INTS7: variants seen among roughly 807,000 people sequenced by gnomAD.
The protein encoded by INTS7 is integrator complex subunit 7.
In INTS7, 46 loss-of-function variants were observed where a neutral mutation model predicts 109.2. The ratio of observed to expected loss-of-function variants is 0.42; its 90% CI spans 0.33 to 0.54. The LOEUF is 0.54. Among genes scored for constraint, INTS7 ranks in the 20% least tolerant of loss-of-function variants. INTS7 has a pLI of 0.07. For synonymous variants in INTS7, 412 were observed against 402.9 expected (o/e 1.02, Z -0.27); for missense variants, 929 against 1,132.4 (o/e 0.82, Z 2.58).
chr1:212,020,069 C>A, intron 3 of INTS7, 53 bp downstream of exon 3: 1 of 1,250,140 alleles, frequency 8.0e-7, no homozygotes, highest in Non-Finnish European at 1.1e-6. Flanking sequence ...CTTTTTTGTA[C>A]ATAATTACAG....
At chr1:212,015,780 C>T (rs1666409629) in intron 4 of INTS7, among the ~76,000 whole-genome samples, 1 of 142,616 alleles carries the variant, frequency 7.0e-6, no homozygotes, top group African/African-American at 2.6e-5. Flanking sequence ...TATTATTCAC[C>T]TGGTTATAAA....
At chr1:211,972,030 A>G (rs780267976) in intron 13 of INTS7, among the ~76,000 whole-genome samples, 2 of 152,058 alleles carry the variant, frequency 1.3e-5, no homozygotes, top group East Asian at 1.9e-4. Context: ...TGTGGAAAGG[A>G]AACAGTATAC....
At chr1:211,953,230 T>G (rs541680591) in intron 16 of INTS7, among the ~76,000 whole-genome samples, 24 of 152,166 alleles carry the variant, frequency 1.6e-4, no homozygotes, top group Non-Finnish European at 2.2e-4. Context: ...AGCATGGAGA[T>G]GAAACGCATA....
intron 7 of INTS7, among the ~76,000 whole-genome samples, chr1:211,999,449 T>C (rs959222841): frequency 6.6e-6 from 1 of 152,038 alleles, no homozygotes; most frequent in East Asian, 1.9e-4. Flanking sequence ...TTGTCAGGGG[T>C]TGGGGAAAGG....
chr1:212,035,291 G>C (rs1412739023), intron 1 of INTS7, 53 bp downstream of exon 1: 27 of 1,199,856 alleles, frequency 2.3e-5, no homozygotes, highest in Non-Finnish European at 2.9e-5. Flanking sequence ...CCACCTGGTG[G>C]CGCCACTTCC....
At chr1:211,951,082 T>TA (rs1663062619) in intron 17 of INTS7, among the ~76,000 whole-genome samples, 1 of 152,198 alleles carries the variant, frequency 6.6e-6, no homozygotes, top group South Asian at 2.1e-4. Context: ...CCTAACTCTT[T>TA]AATGACATCC....
chr1:211,990,791 G>C (rs915182415), intron 7 of INTS7, among the ~76,000 whole-genome samples: 4 of 152,162 alleles, frequency 2.6e-5, no homozygotes, highest in South Asian at 4.1e-4. Context: ...AAGTAAGATG[G>C]GGGGGATTAG....
Position 211,996,752 on chromosome 1 carries a change from C to T in INTS7, c.880-8749G>A, listed in dbSNP as rs527265739. 8.5e-5 allele frequency among the ~76,000 whole-genome samples: 13 copies of T among 152,296 alleles called. No homozygotes were observed. In the South Asian group the frequency reaches 2.7e-3, roughly 32 times the overall value. On this transcript the variant is annotated intron_variant, in intron 7 of 19. Coordinates refer to ENST00000366994, the MANE Select transcript of INTS7 (RefSeq NM_015434.4). ...TAAAAACCACCCATATGGCCTGGCG[C>T]AGTGGTACACGCCTATAACCCCAGC...
chr1:211,968,416 AGT>A (rs1664009487), intron 14 of INTS7, 95 bp downstream of exon 14: 36 of 1,002,442 alleles, frequency 3.6e-5, no homozygotes, highest in Non-Finnish European at 4.6e-5. Flanking sequence ...ATAATGTCTG[AGT>A]CAAACCACTG....
intron 13 of INTS7, among the ~76,000 whole-genome samples, chr1:211,970,725 G>A (rs1229442838): frequency 1.3e-5 from 2 of 152,122 alleles, no homozygotes; most frequent in Non-Finnish European, 2.9e-5. Context: ...TAGTAATCCG[G>A]GAAAAGCCAA....
intron 1 of INTS7, among the ~76,000 whole-genome samples, chr1:212,022,132 C>A (rs946415077): frequency 6.6e-6 from 1 of 152,160 alleles, no homozygotes; most frequent in African/African-American, 2.4e-5. Flanking sequence ...TCAACCTCCA[C>A]CCTTAACTTG....
At chr1:211,978,064 G>A (rs1408565949) in intron 11 of INTS7, among the ~76,000 whole-genome samples, 1 of 152,068 alleles carries the variant, frequency 6.6e-6, no homozygotes, top group Non-Finnish European at 1.5e-5. Context: ...AACAAAACAC[G>A]GCTTTCTAAA....
At chr1:211,969,446 G>A (rs1664063529) in intron 13 of INTS7, among the ~76,000 whole-genome samples, 1 of 151,620 alleles carries the variant, frequency 6.6e-6, no homozygotes, top group Non-Finnish European at 1.5e-5. Context: ...GATAAGGGCA[G>A]GAGGAATATG....
intron 8 of INTS7, among the ~76,000 whole-genome samples, chr1:211,983,856 T>G (rs1571874701): frequency 1.9e-5 from 1 of 53,722 alleles, no homozygotes; most frequent in African/African-American, 3.6e-5. Flanking sequence ...TTTTGTTTTG[T>G]TTTTTTTTTG....
intron 13 of INTS7, among the ~76,000 whole-genome samples, chr1:211,969,397 C>G (rs915063716): frequency 6.6e-6 from 1 of 151,890 alleles, no homozygotes; most frequent in African/African-American, 2.4e-5. Flanking sequence ...ATTCCCATCA[C>G]TGGAACCTTG....
rs770693148 is a variant in INTS7, at chr1:211,942,045, T to C, written c.2668A>G (p.Thr890Ala). 6.2e-7 allele frequency: 1 copy of C among 1,614,200 alleles called. No homozygotes were observed. The highest frequency in any genetic ancestry group is 1.1e-5 in the South Asian group (1 of 91,084). Reference protein sequence around the residue: ...RVEPHNDYFSTQFLLNFAILG... With the variant: ...RVEPHNDYFSAQFLLNFAILG... ...ATAGCAAAGTTCAACAGAAATTGAGTACTGAAGTAATCATTATGAGGTTCA... is the reference window on the plus strand; with the variant it reads ...ATAGCAAAGTTCAACAGAAATTGAGCACTGAAGTAATCATTATGAGGTTCA... Residue 890 changes from threonine (T) to alanine (A), a missense_variant, in exon 20 of 20, where the codon ACT (threonine) becomes GCT (alanine). This residue lies in a region of INTS7 where 787 missense variants were observed against 901.1 expected (regional missense o/e 0.87). Coordinates refer to ENST00000366994, the MANE Select transcript of INTS7 (RefSeq NM_015434.4). The surrounding 1 kb of genome is among the most constrained non-coding windows in gnomAD (Gnocchi z 4.2).
intron 4 of INTS7, among the ~76,000 whole-genome samples, chr1:212,012,694 A>G (rs1471486189): frequency 1.3e-5 from 2 of 152,238 alleles, no homozygotes; most frequent in Non-Finnish European, 2.9e-5. Flanking sequence ...CTGCTAATTT[A>G]GATGTTTAAT....
At chr1:211,982,906 C>T (rs942537166) in intron 8 of INTS7, 96 bp from the exon 9 acceptor site, 2 of 920,480 alleles carry the variant, frequency 2.2e-6, no homozygotes, top group Non-Finnish European at 3.2e-6. Flanking sequence ...TGAGAAAAGT[C>T]TCTAACAATA....
At chr1:212,004,084 C>A (rs557799720) in intron 7 of INTS7, among the ~76,000 whole-genome samples, 1 of 152,374 alleles carries the variant, frequency 6.6e-6, no homozygotes, top group South Asian at 2.1e-4. Context: ...GTGGCTCACA[C>A]CTGTAATCTC....
Sources: allele counts gnomAD v4.1 joint callset (sites outside exome capture counted in the v4.1 genomes callset), GRCh38; gene constraint gnomAD v4.1.1; regional missense constraint gnomAD v4.1.1; non-coding constraint Gnocchi (gnomAD v3.1); transcripts MANE v1.5; gene names NCBI Gene and HGNC (gene_info 2026-07-23, HGNC 2026-07-21).